CD2AP: variants seen among roughly 807,000 people sequenced by gnomAD.
The protein encoded by CD2AP is CD2 associated protein.
A neutral mutation model predicts 85.1 loss-of-function variants in CD2AP; 46 were observed. The observed-to-expected ratio is 0.54, with a 90% CI of 0.43 to 0.69. The LOEUF (loss-of-function observed/expected upper bound fraction) is 0.69. Among genes scored for constraint, CD2AP ranks in the 30% least tolerant of loss-of-function variants. The probability of loss-of-function intolerance (pLI) is 0.00; values close to 1 mark genes in which losing one functional copy is unlikely to be tolerated. For missense variants in CD2AP, 769 were observed against 729.5 expected (o/e 1.05, Z -0.62); for synonymous variants, 255 against 252.9 (o/e 1.01, Z -0.08).
At chr6:47,558,898 G>T (rs1272413968) in intron 5 of CD2AP, among the ~76,000 whole-genome samples, 1 of 152,142 alleles carries the variant, frequency 6.6e-6, no homozygotes, top group African/African-American at 2.4e-5. Flanking sequence ...AGAAGGAATG[G>T]TACCAGCTCC....
At chr6:47,557,031 A>T (rs60122657) in intron 5 of CD2AP, among the ~76,000 whole-genome samples, 3 of 152,198 alleles carry the variant, frequency 2.0e-5, no homozygotes, top group East Asian at 3.9e-4. Flanking sequence ...CTGGCATGAG[A>T]TGGTAGCTCA....
intron 4 of CD2AP, among the ~76,000 whole-genome samples, chr6:47,551,741 C>A (rs1454540449): frequency 6.6e-6 from 1 of 152,042 alleles, no homozygotes; most frequent in Admixed American, 6.6e-5. Context: ...TGGAAAGATT[C>A]AATGGTGGGG....
intron 1 of CD2AP, among the ~76,000 whole-genome samples, chr6:47,483,623 C>A (rs1765498734): frequency 6.6e-6 from 1 of 152,052 alleles, no homozygotes; most frequent in East Asian, 1.9e-4. Context: ...TATTTTCTGT[C>A]CTGGGACTAC....
At chr6:47,516,143 A>G (rs1228978132) in intron 2 of CD2AP, among the ~76,000 whole-genome samples, 1 of 152,244 alleles carries the variant, frequency 6.6e-6, no homozygotes, top group Non-Finnish European at 1.5e-5. Flanking sequence ...ACATTGTGGT[A>G]CCAACATCAA....
At position 47,625,458 on chromosome 6, in the gene CD2AP, A is replaced by G. The variant is rs1769884609; in HGVS notation, c.*1231A>G. 2 of 152,098 alleles carry G rather than the reference A, an allele frequency of 1.3e-5. No homozygotes were observed. Among genetic ancestry groups the G allele is most frequent in the Admixed American group, 6.5e-5 (1 of 15,280 alleles). The allele number at this position is 152,098 out of a possible 1,614,324, so 9.4% of individuals were successfully genotyped here. On this transcript the variant is annotated 3_prime_UTR_variant, in exon 18 of 18. Coordinates refer to ENST00000359314, the MANE Select transcript of CD2AP (RefSeq NM_012120.3). The stretch of plus-strand genomic sequence containing the variant: ...TACATTTTCACAGAATGGATGAATT[A>G]GTTGTTTCTTCAGAGTTACTTATGA...
intron 5 of CD2AP, 135 bp from the exon 6 acceptor site, chr6:47,573,929 A>ATTTCAGTACTGAATAGTTTAATTT: frequency 1.3e-6 from 1 of 743,818 alleles, no homozygotes; most frequent in Non-Finnish European, 2.4e-6. Context: ...TCTTCTGGAT[A>ATTTCAGTACTGAATAGTTTAATTT]TTTCAGTACT....
At chr6:47,509,784 T>C (rs1443193550) in intron 2 of CD2AP, among the ~76,000 whole-genome samples, 2 of 152,226 alleles carry the variant, frequency 1.3e-5, no homozygotes, top group Admixed American at 1.3e-4. Context: ...TTCTCCACTT[T>C]AAAGTGGTAT....
chr6:47,588,183 CTTCCTTGACAGTATT>C (rs560395845), intron 11 of CD2AP, among the ~76,000 whole-genome samples: 45 of 152,048 alleles, frequency 3.0e-4, no homozygotes, highest in Non-Finnish European at 5.6e-4. Flanking sequence ...TAAAATTTTG[CTTCCTTGACAGTATT>C]TTCCTTACCT....
intron 11 of CD2AP, among the ~76,000 whole-genome samples, chr6:47,586,705 C>T (rs781632317): frequency 2.6e-5 from 4 of 151,834 alleles, no homozygotes; most frequent in South Asian, 2.1e-4. Context: ...AGAAGGAAAA[C>T]GATACTAGAT....
chr6:47,619,196 C>T (rs751400702), intron 17 of CD2AP, among the ~76,000 whole-genome samples: 8 of 152,148 alleles, frequency 5.3e-5, no homozygotes, highest in Non-Finnish European at 1.2e-4. Context: ...TACTGCACCA[C>T]GTTCGTAGTC....
chr6:47,564,463 C>G (rs1767940619), intron 5 of CD2AP, among the ~76,000 whole-genome samples: 1 of 152,072 alleles, frequency 6.6e-6, no homozygotes, highest in Admixed American at 6.6e-5. Flanking sequence ...ATACTTTGCA[C>G]ATTTTCTTAT....
At chr6:47,522,245 A>G (rs886740396) in intron 2 of CD2AP, among the ~76,000 whole-genome samples, 1 of 152,186 alleles carries the variant, frequency 6.6e-6, no homozygotes, top group Admixed American at 6.5e-5. Context: ...GCAGAGAAAT[A>G]TCAGCGGAAT....
intron 2 of CD2AP, among the ~76,000 whole-genome samples, chr6:47,506,991 G>A (rs1002208632): frequency 6.6e-6 from 1 of 152,220 alleles, no homozygotes; most frequent in African/African-American, 2.4e-5. Flanking sequence ...ATTGTAGTCA[G>A]TCGTTTCAAA....
intron 2 of CD2AP, among the ~76,000 whole-genome samples, chr6:47,506,772 G>A (rs1378731967): frequency 6.8e-6 from 1 of 146,214 alleles, no homozygotes; most frequent in Non-Finnish European, 1.5e-5. Context: ...GCATGAGAGG[G>A]AGACCGTGGG....
chr6:47,484,345 T>C (rs1385687603), intron 1 of CD2AP, among the ~76,000 whole-genome samples: 1 of 116,618 alleles, frequency 8.6e-6, no homozygotes, highest in Non-Finnish European at 1.9e-5. Context: ...AAACTTGATA[T>C]TACCTCTTTT....
Position 47,618,464 on chromosome 6 carries a change from G to GT in CD2AP, c.1879-5713dup, listed in dbSNP as rs548987895. The stretch of plus-strand genomic sequence containing the variant: ...GTAAGGTTGTTTGGGTAGGATCCAT[G>GT]TTTTTTTTTATCTTTGCTCATAGCT... On this transcript the variant is annotated intron_variant, in intron 17 of 17. Transcript: ENST00000359314. 4.4e-4 allele frequency among the ~76,000 whole-genome samples: 66 copies of GT among 151,174 alleles called. No individual in the cohort carries two copies. The South Asian group carries it at 9.2e-3, about 21-fold the overall frequency.
At chr6:47,483,792 G>GC (rs1765502916) in intron 1 of CD2AP, among the ~76,000 whole-genome samples, 1 of 113,994 alleles carries the variant, frequency 8.8e-6, no homozygotes, top group African/African-American at 3.2e-5. Context: ...TGATGTGCCT[G>GC]TTTTTTTTTT....
intron 5 of CD2AP, among the ~76,000 whole-genome samples, chr6:47,567,633 G>A (rs557313709): frequency 3.2e-4 from 48 of 152,302 alleles, no homozygotes; most frequent in Non-Finnish European, 6.5e-4. Context: ...ATGTGCCCTA[G>A]AAGAAGTCAT....
rs186494051 is a variant in CD2AP, at chr6:47,620,697, A to C, written c.1879-3489A>C. Among the ~76,000 whole-genome samples the C allele has an allele frequency of 1.5e-3, 233 of 152,180 alleles. 1 individual carries two copies. The highest frequency in any genetic ancestry group is 3.4e-3 in the Middle Eastern group (1 of 294). ...ATCCACGAGCGTGGGATGTGTTTTC[A>C]TTTGTGCTGTCTGTGATTTCTTTCA... On this transcript the variant is annotated intron_variant, in intron 17 of 17. Coordinates refer to ENST00000359314, the MANE Select transcript of CD2AP (RefSeq NM_012120.3).
Sources: gnomAD v4.1 joint callset for allele counts (sites outside exome capture counted in the v4.1 genomes callset) on GRCh38, gnomAD v4.1.1 for gene constraint, MANE v1.5 for transcripts, NCBI Gene and HGNC (gene_info 2026-07-23, HGNC 2026-07-21) for gene names.